COL12A1: variants seen among roughly 807,000 people sequenced by gnomAD.
COL12A1 encodes the protein collagen type XII alpha 1 chain.
In COL12A1, 114 loss-of-function variants were observed where a neutral mutation model predicts 349.7. The observed-to-expected ratio is 0.33, with a 90% CI of 0.28 to 0.38. The LOEUF is 0.38. Ranked by LOEUF, COL12A1 falls within the 10% of genes least tolerant of loss-of-function variation. The probability of loss-of-function intolerance (pLI) is 1.00; values close to 1 mark genes in which losing one functional copy is unlikely to be tolerated. For synonymous variants in COL12A1, 1,369 were observed against 1,329.0 expected, an observed-to-expected ratio of 1.03 and a Z score of -0.66; for missense variants, 3,284 against 3,756.9, an observed-to-expected ratio of 0.87 and a Z score of 3.29.
At chr6:75,123,234 T>C in intron 43 of COL12A1, 96 bp downstream of exon 43, 3 of 1,048,024 alleles carry the variant, frequency 2.9e-6, no homozygotes, top group South Asian at 2.7e-5. Context: ...AGATCAGAAA[T>C]GTTCTATATT....
intron 14 of COL12A1, among the ~76,000 whole-genome samples, chr6:75,157,544 G>T (rs948281330): frequency 6.6e-6 from 1 of 152,108 alleles, no homozygotes; most frequent in African/African-American, 2.4e-5. Flanking sequence ...AAGGGGAATA[G>T]GTTCTATGAT....
At chr6:75,194,019 T>C (rs749055342) in intron 3 of COL12A1, among the ~76,000 whole-genome samples, 1 of 152,152 alleles carries the variant, frequency 6.6e-6, no homozygotes, top group Non-Finnish European at 1.5e-5. Context: ...CTATTGTGAA[T>C]AAGTGCCACA....
At position 75,183,197 on chromosome 6, in the gene COL12A1, A is replaced by T; in HGVS notation, c.1744T>A (p.Ser582Thr). ...FAVGVKDAVR[S>T]ELEAIASPPA... Reference sequence around the variant, plus strand: ...GGAGAGGCAATAGCTTCCAATTCTGAGCGAACGGCATCCTTCACACCAACT... The same window carrying T: ...GGAGAGGCAATAGCTTCCAATTCTGTGCGAACGGCATCCTTCACACCAACT... The change falls in exon 10 of 66, where the codon TCA (serine) becomes ACA (threonine). Residue 582 changes from serine (S) to threonine (T), a missense_variant. Physicochemically the swap from Ser to Thr is moderately conservative, Grantham distance 58. Around this residue, in one of 2 missense-constraint regions of COL12A1, gnomAD observed 2,601 missense variants for 2,824.8 expected, o/e 0.92. Transcript: ENST00000322507. 1.9e-6 allele frequency: 3 copies of T among 1,614,190 alleles called. No individual in the cohort carries two copies. Among genetic ancestry groups the T allele is most frequent in the Non-Finnish European group, 1.7e-6 (2 of 1,180,024 alleles).
chr6:75,166,250 C>G (rs1456485155), intron 13 of COL12A1, among the ~76,000 whole-genome samples: 1 of 152,190 alleles, frequency 6.6e-6, no homozygotes, highest in East Asian at 1.9e-4. Flanking sequence ...TTTACAACAA[C>G]TGCAACAATC....
Position 75,084,794 on chromosome 6 carries a change from G to C in COL12A1, c.*1753C>G, listed in dbSNP as rs776090791. On this transcript the variant is annotated 3_prime_UTR_variant, in exon 66 of 66. Transcript: ENST00000322507. ...TAGGAGGGGAATTATTTGAATCGTG[G>C]TGTAATTGAATTGAAAATAAGTATA... is the stretch of plus-strand genomic sequence containing the variant. 1 of 156,150 alleles carries C rather than the reference G, an allele frequency of 6.4e-6. No individual in the cohort carries two copies. The highest frequency in any genetic ancestry group is 1.4e-5 in the Non-Finnish European group (1 of 70,138). 9.7% of individuals were successfully genotyped at this position (156,150 alleles called of 1,614,324 possible).
At position 75,132,101 on chromosome 6, in the gene COL12A1, A is replaced by G. The variant is rs1582101373; in HGVS notation, c.5795-19T>C. 1.2e-6 allele frequency: 2 copies of G among 1,612,758 alleles called. No individual in the cohort carries two copies. Among genetic ancestry groups the G allele is most frequent in the East Asian group, 2.2e-5 (1 of 44,868 alleles). On this transcript the variant is annotated intron_variant, in intron 34 of 65. Coordinates refer to ENST00000322507, the MANE Select transcript of COL12A1 (RefSeq NM_004370.6). ...CTCATCACTGAGGAAATGAAGGCCAACATCTATTTTTTAAGTCTGTTTATA... is the reference window on the plus strand; with the variant it reads ...CTCATCACTGAGGAAATGAAGGCCAGCATCTATTTTTTAAGTCTGTTTATA...
intron 26 of COL12A1, among the ~76,000 whole-genome samples, chr6:75,142,721 G>A (rs892931894): frequency 6.6e-6 from 1 of 152,104 alleles, no homozygotes. Flanking sequence ...AAGTTTTGCT[G>A]GTTCATGAAG....
chr6:75,202,633 G>C, intron 2 of COL12A1, 87 bp downstream of exon 2: 1 of 1,321,284 alleles, frequency 7.6e-7, no homozygotes, highest in Non-Finnish European at 1.1e-6. Flanking sequence ...AGGGAAAACA[G>C]AGCAAGCAAT....
intron 16 of COL12A1, among the ~76,000 whole-genome samples, chr6:75,154,898 T>C (rs1478370543): frequency 1.3e-5 from 2 of 152,144 alleles, no homozygotes; most frequent in African/African-American, 4.8e-5. Flanking sequence ...AAGAAAATAA[T>C]TGAAGTGCTG....
Position 75,165,507 on chromosome 6 carries a change from A to T in COL12A1, c.2983T>A (p.Leu995Ile). The T allele has an allele frequency of 6.2e-7, 1 of 1,613,020 alleles. No homozygotes were observed. The highest frequency in any genetic ancestry group is 8.5e-7 in the Non-Finnish European group (1 of 1,179,692). Residue 995 changes from leucine (L) to isoleucine (I), a missense_variant and splice_region_variant, in exon 14 of 66, where the codon TTA (leucine) becomes ATA (isoleucine). Physicochemically the swap from Leu to Ile is conservative, Grantham distance 5 (BLOSUM62 2). This residue lies in a region of COL12A1 where 2,601 missense variants were observed against 2,824.8 expected (regional missense o/e 0.92). Transcript: ENST00000322507. ...EPLTGDATTE[L>I]SQDSKTLKVD... ...CAAACACACCCATAATGTTACCTAC[A>T]TTCAGTTGTGGCATCTCCAGTCAAA...
At chr6:75,172,852 A>G (rs1194750397) in intron 13 of COL12A1, among the ~76,000 whole-genome samples, 1 of 152,244 alleles carries the variant, frequency 6.6e-6, no homozygotes, top group East Asian at 1.9e-4. Flanking sequence ...CAGACGAAAA[A>G]TACAGTATTC....
Position 75,183,965 on chromosome 6 carries a change from C to T in COL12A1, c.1177G>A (p.Asp393Asn), listed in dbSNP as rs369309158. 5 of 1,614,012 alleles carry T rather than the reference C, an allele frequency of 3.1e-6. No homozygotes were observed. Among genetic ancestry groups the T allele is most frequent in the Admixed American group, 1.7e-5 (1 of 59,982 alleles). The change falls in exon 9 of 66, where the codon GAC becomes AAC. Residue 393 changes from aspartate (D) to asparagine (N), a missense_variant. Asp to Asn is a conservative substitution (Grantham distance 23). Transcript: ENST00000322507. ...TGGTATTCTGTGTCTGCTGAGAGGT[C>T]GCGAACACTGAGCGTGGTTGTCTGA... ...GPQTTTLSVR[D>N]LSADTEYQIS...
In COL12A1 at chr6:75,087,694, G is replaced by A. The variant is rs200901687; in HGVS notation, c.9064C>T (p.Pro3022Ser). ...CCAGGACGGCCAGGGGGGCCAGGGG[G>A]ACCTCTTGAACCTGTGGACCCTGGT... ...GPPGSTGSRG[P>S]PGPPGRPGNS... is the part of the protein sequence containing the mutation. Residue 3022 changes from proline to serine, a missense_variant, in exon 65 of 66, where the codon CCC becomes TCC. By Grantham distance (74) the Pro-to-Ser change is moderately conservative (BLOSUM62 -1). Transcript: ENST00000322507. 9.2e-5 allele frequency: 148 copies of A among 1,610,136 alleles called. No individual in the cohort carries two copies. In the African/African-American group the frequency reaches 1.8e-3, roughly 19 times the overall value.
chr6:75,129,881 G>T (rs115675205), intron 37 of COL12A1, among the ~76,000 whole-genome samples: 37 of 152,230 alleles, frequency 2.4e-4, no homozygotes, highest in African/African-American at 8.7e-4. Context: ...GAATAAAAAT[G>T]AGCCCAAAGA....
chr6:75,186,847 C>G (rs555869944), intron 8 of COL12A1, among the ~76,000 whole-genome samples: 1 of 152,030 alleles, frequency 6.6e-6, no homozygotes, highest in Non-Finnish European at 1.5e-5. Context: ...GGCCATTATC[C>G]TTAGCAAACT....
In COL12A1 at chr6:75,155,590, A is replaced by G. The variant is rs916747292; in HGVS notation, c.3443+72T>C. Reference sequence around the variant, plus strand: ...AAGTGATATTTGTGTAAAGCCTACTAATTTACAAAAGCTATTCAACCTTGT... The same window carrying G: ...AAGTGATATTTGTGTAAAGCCTACTGATTTACAAAAGCTATTCAACCTTGT... On this transcript the variant is annotated intron_variant, in intron 16 of 65. Coordinates refer to ENST00000322507, the MANE Select transcript of COL12A1 (RefSeq NM_004370.6). 3 of 1,412,816 alleles carry G rather than the reference A, an allele frequency of 2.1e-6. No homozygotes were observed. In the African/African-American group the frequency reaches 4.4e-5, roughly 21 times the overall value. 87.5% of individuals were successfully genotyped at this position (1,412,816 alleles called of 1,614,324 possible). A position where few individuals can be genotyped will look rare whatever the true frequency, so the allele number is the denominator to read the frequency against.
intron 8 of COL12A1, among the ~76,000 whole-genome samples, chr6:75,187,363 A>G (rs1192703400): frequency 1.3e-5 from 2 of 151,916 alleles, no homozygotes; most frequent in Non-Finnish European, 2.9e-5. Flanking sequence ...ATGTAGCCCC[A>G]GCCCCCTACA....
chr6:75,195,987 G>A (rs1202973565), intron 2 of COL12A1, among the ~76,000 whole-genome samples: 1 of 152,160 alleles, frequency 6.6e-6, no homozygotes, highest in Non-Finnish European at 1.5e-5. Context: ...CAAAACTGTA[G>A]AGCATCATGC....
intron 63 of COL12A1, 53 bp from the exon 64 acceptor site, chr6:75,089,227 T>A: frequency 7.6e-7 from 1 of 1,316,904 alleles, no homozygotes; most frequent in Non-Finnish European, 1.1e-6. Flanking sequence ...TGGAAGCATG[T>A]AATTTTCATC....
Sources: gnomAD v4.1 joint callset for allele counts (sites outside exome capture counted in the v4.1 genomes callset) on GRCh38, gnomAD v4.1.1 for gene constraint, gnomAD v4.1.1 regional missense constraint, MANE v1.5 for transcripts, NCBI Gene and HGNC (gene_info 2026-07-23, HGNC 2026-07-21) for gene names.